The following ZGRF1 variants were observed in gnomAD, a reference collection of about 807,000 sequenced individuals.
The protein encoded by ZGRF1 is 5'-3' DNA helicase ZGRF1.
Under a neutral mutation model 203.5 loss-of-function variants are expected in ZGRF1, and 196 were observed. The ratio of observed to expected loss-of-function variants is 0.96; its 90% confidence interval spans 0.86 to 1.08. ZGRF1 has a LOEUF of 1.08. Among genes scored for constraint, ZGRF1 ranks in the 50% least tolerant of loss-of-function variants. The probability of loss-of-function intolerance (pLI) is 0.00; values close to 1 mark genes in which losing one functional copy is unlikely to be tolerated. For missense variants in ZGRF1, 2,326 were observed against 2,416.3 expected (o/e 0.96, Z 0.78); for synonymous variants, 809 against 841.3 (o/e 0.96, Z 0.66).
At chr4:112,567,415 G>A (rs1027837224) in intron 16 of ZGRF1, among the ~76,000 whole-genome samples, 20 of 152,140 alleles carry the variant, frequency 1.3e-4, no homozygotes, top group African/African-American at 4.8e-4. Flanking sequence ...GAATTGATGG[G>A]CAAATAATTT....
chr4:112,565,825 G>A (rs1399237669), intron 16 of ZGRF1, among the ~76,000 whole-genome samples: 3 of 152,106 alleles, frequency 2.0e-5, no homozygotes, highest in South Asian at 2.1e-4. Flanking sequence ...TAGAATGGCA[G>A]TCATTAAAAA....
chr4:112,558,346 AAAAT>A (rs1560756607), intron 19 of ZGRF1, 37 bp from the exon 20 acceptor site: 5 of 1,418,874 alleles, frequency 3.5e-6, no homozygotes, highest in East Asian at 5.8e-5. Flanking sequence ...TAAAAAGCAT[AAAAT>A]AAATAAATTT....
intron 20 of ZGRF1, among the ~76,000 whole-genome samples, chr4:112,557,935 T>G (rs1433587587): frequency 6.6e-6 from 1 of 152,188 alleles, no homozygotes. Context: ...AGTATCACTG[T>G]GCCAAAATTT....
At chr4:112,575,070 G>T (rs1744900665) in intron 16 of ZGRF1, among the ~76,000 whole-genome samples, 1 of 150,092 alleles carries the variant, frequency 6.7e-6, no homozygotes, top group African/African-American at 2.4e-5. Flanking sequence ...AATGTTTAAA[G>T]AATTTTATTT....
At chr4:112,609,810 A>G (rs916998862) in intron 7 of ZGRF1, among the ~76,000 whole-genome samples, 3 of 151,880 alleles carry the variant, frequency 2.0e-5, no homozygotes, top group Non-Finnish European at 1.5e-5. Flanking sequence ...AAACGAAGAA[A>G]AAAAAAAAAG....
intron 16 of ZGRF1, chr4:112,565,491 T>G (rs1742879923): frequency 1.6e-6 from 1 of 642,736 alleles, no homozygotes; most frequent in African/African-American, 1.8e-5. Flanking sequence ...CGTTAGGTAT[T>G]TTTTTTCCAT....
In ZGRF1 at chr4:112,618,715, G is replaced by T; in HGVS notation, c.1327C>A (p.Gln443Lys). The T allele has an allele frequency of 1.2e-6, 2 of 1,610,760 alleles. No individual in the cohort carries two copies. Among genetic ancestry groups the T allele is most frequent in the Non-Finnish European group, 8.5e-7 (1 of 1,178,996 alleles). Residue 443 changes from glutamine to lysine, a missense_variant, in exon 6 of 28, where the codon CAA becomes AAA. Physicochemically the swap from Gln to Lys is moderately conservative, Grantham distance 53 (BLOSUM62 1). Coordinates refer to ENST00000505019, the MANE Select transcript of ZGRF1 (RefSeq NM_018392.5). ...CCTTTAATGCACCCCTTGTCATTTT[G>T]ATTAAAAGGTATTTTATTATCTTCT... Reference protein sequence around the residue: ...IQEDNKIPFNQNDKGCIKGSV... With the variant: ...IQEDNKIPFNKNDKGCIKGSV...
At chr4:112,557,138 A>T (rs1741083425) in intron 20 of ZGRF1, among the ~76,000 whole-genome samples, 2 of 151,308 alleles carry the variant, frequency 1.3e-5, no homozygotes, top group East Asian at 3.9e-4. Context: ...ATCTATAACT[A>T]CTGATTCTGG....
At position 112,627,046 on chromosome 4, in the gene ZGRF1, A is replaced by C. The variant is rs546358818; in HGVS notation, c.103-3170T>G. ...GCCTGGTCTCAAACTCCTGACCTCA[A>C]GTGATCTGCCCATCTTGGCCTCCCA... On this transcript the variant is annotated intron_variant, in intron 3 of 27. Transcript: ENST00000505019. Among the ~76,000 whole-genome samples the C allele has an allele frequency of 2.0e-5, 3 of 152,230 alleles. No homozygotes were observed. In the South Asian group the frequency reaches 6.2e-4, roughly 32 times the overall value.
rs2149155074 is a variant in ZGRF1 at position 112,617,786 on chromosome 4, T to C, written c.2256A>G (p.Ala752=). The change falls in exon 6 of 28, where the codon GCA becomes GCG. Residue 752 remains alanine, a synonymous_variant. Transcript: ENST00000505019. ...NTNQNHYECI[A]LDKSNTHISN... is the part of the protein sequence containing the mutation. Reference sequence around the variant, plus strand: ...AAATGTGGGTATTTGATTTATCAAGTGCAATACATTCATAGTGATTCTGAT... The same window carrying C: ...AAATGTGGGTATTTGATTTATCAAGCGCAATACATTCATAGTGATTCTGAT... The C allele has an allele frequency of 6.2e-7, 1 of 1,614,022 alleles. No homozygotes were observed. The highest frequency in any genetic ancestry group is 8.5e-7 in the Non-Finnish European group (1 of 1,179,892).
In ZGRF1 at chr4:112,633,198, C is replaced by A; in HGVS notation, c.-22G>T. 1 of 1,597,136 alleles carries A rather than the reference C, an allele frequency of 6.3e-7. No homozygotes were observed. Among genetic ancestry groups the A allele is most frequent in the Non-Finnish European group, 8.6e-7 (1 of 1,166,496 alleles). The stretch of plus-strand genomic sequence containing the variant: ...CCATTATTTCTTCTGAAGTTATAAA[C>A]CAGCTGGGTCCAGAAAATAGGAAAT... On this transcript the variant is annotated 5_prime_UTR_variant, in exon 2 of 28. Transcript: ENST00000505019.
chr4:112,594,418 C>A (rs1748656650), intron 10 of ZGRF1, among the ~76,000 whole-genome samples: 2 of 150,326 alleles, frequency 1.3e-5, no homozygotes, highest in Non-Finnish European at 3.0e-5. Flanking sequence ...GTTAGGAAAG[C>A]TATTAATTTT....
Position 112,581,663 on chromosome 4 carries a change from T to C in ZGRF1, c.4438A>G (p.Asn1480Asp), listed in dbSNP as rs1232383410. Reference protein sequence around the residue: ...RKERSSAYSKNDLWVVSKTLD... With the variant: ...RKERSSAYSKDDLWVVSKTLD... ...CGCCAGTATGATCAGATCAACTTAC[T>C]TTTGCTATAAGCTGAAGATCTTTCC... Residue 1480 changes from asparagine to aspartate, a missense_variant and splice_region_variant, in exon 16 of 28, where the codon AAT becomes GAT. Physicochemically the swap from Asn to Asp is conservative, Grantham distance 23. Coordinates refer to ENST00000505019, the MANE Select transcript of ZGRF1 (RefSeq NM_018392.5). 5 of 1,576,832 alleles carry C rather than the reference T, an allele frequency of 3.2e-6. No individual in the cohort carries two copies. Among genetic ancestry groups the C allele is most frequent in the Middle Eastern group, 1.7e-4 (1 of 5,910 alleles).
chr4:112,556,053 C>T (rs1740881017), intron 20 of ZGRF1, among the ~76,000 whole-genome samples: 1 of 151,140 alleles, frequency 6.6e-6, no homozygotes, highest in Admixed American at 6.6e-5. Flanking sequence ...GGTAACTCCT[C>T]ATTGTCTTTA....
At chr4:112,571,424 G>A (rs1259732117) in intron 16 of ZGRF1, among the ~76,000 whole-genome samples, 1 of 152,040 alleles carries the variant, frequency 6.6e-6, no homozygotes, top group Non-Finnish European at 1.5e-5. Context: ...TGGTATCAGA[G>A]AATATGAATA....
At chr4:112,580,602 CA>C (rs1474038919) in intron 16 of ZGRF1, among the ~76,000 whole-genome samples, 1 of 152,006 alleles carries the variant, frequency 6.6e-6, no homozygotes, top group African/African-American at 2.4e-5. Context: ...ACAACCCCAT[CA>C]AAAAGTGGGC....
chr4:112,561,735 T>TA (rs1314860831), intron 18 of ZGRF1, among the ~76,000 whole-genome samples: 9 of 152,120 alleles, frequency 5.9e-5, no homozygotes, highest in Non-Finnish European at 1.3e-4. Context: ...ATTCCAGCTG[T>TA]AAAATGATTC....
intron 7 of ZGRF1, among the ~76,000 whole-genome samples, chr4:112,610,167 C>T (rs1015615173): frequency 6.6e-6 from 1 of 151,588 alleles, no homozygotes; most frequent in Non-Finnish European, 1.5e-5. Context: ...AAGTAAAATC[C>T]TGATAAAACA....
chr4:112,576,626 T>A (rs1000055279), intron 16 of ZGRF1, among the ~76,000 whole-genome samples: 1 of 152,050 alleles, frequency 6.6e-6, no homozygotes, highest in Non-Finnish European at 1.5e-5. Context: ...AACTGCATGA[T>A]AAATGCACAA....
Sources: gnomAD v4.1 joint callset for allele counts (sites outside exome capture counted in the v4.1 genomes callset) on GRCh38, gnomAD v4.1.1 for gene constraint, MANE v1.5 for transcripts, NCBI Gene and HGNC (gene_info 2026-07-23, HGNC 2026-07-21) for gene names.